KAT6B: variants seen among roughly 807,000 people sequenced by gnomAD.
The protein encoded by KAT6B is lysine acetyltransferase 6B.
KAT6B carries 10 observed loss-of-function variants against 187.5 expected under a neutral mutation model. The observed-to-expected ratio is 0.05, with a 90% confidence interval of 0.03 to 0.09. The LOEUF (loss-of-function observed/expected upper bound fraction) is 0.09, where lower values mean the gene tolerates loss of function less well. KAT6B is among the 10% of genes least tolerant of loss of function. The pLI, the probability that KAT6B is intolerant of heterozygous loss-of-function variation, is 1.00. For missense variants in KAT6B, 1,952 were observed against 2,558.9 expected (o/e 0.76, Z 5.12); for synonymous variants, 861 against 926.8 (o/e 0.93, Z 1.29).
intron 3 of KAT6B, among the ~76,000 whole-genome samples, chr10:74,867,808 C>T (rs1843661075): frequency 6.6e-6 from 1 of 152,162 alleles, no homozygotes; most frequent in South Asian, 2.1e-4. Flanking sequence ...TTGAAGTACA[C>T]AAAAACTATC....
intron 12 of KAT6B, among the ~76,000 whole-genome samples, chr10:74,987,303 G>A (rs1455204791): frequency 6.6e-6 from 1 of 151,940 alleles, no homozygotes; most frequent in Non-Finnish European, 1.5e-5. Context: ...GGGCATTGTG[G>A]CACCCTGTAA....
chr10:74,993,261 A>G (rs753696933), intron 13 of KAT6B, among the ~76,000 whole-genome samples: 2 of 151,994 alleles, frequency 1.3e-5, no homozygotes, highest in South Asian at 2.1e-4. Flanking sequence ...CCATCTCACT[A>G]TTTTTTTCTT....
intron 7 of KAT6B, among the ~76,000 whole-genome samples, chr10:74,974,693 C>T (rs1842047160): frequency 6.6e-6 from 1 of 152,198 alleles, no homozygotes; most frequent in Admixed American, 6.5e-5. Context: ...CTTCACCAGA[C>T]TCTCCATGTC....
At chr10:74,891,604 T>A (rs1845649343) in intron 3 of KAT6B, among the ~76,000 whole-genome samples, 1 of 152,250 alleles carries the variant, frequency 6.6e-6, no homozygotes, top group East Asian at 1.9e-4. Flanking sequence ...GTTAACATGA[T>A]CTGACATTAA....
intron 3 of KAT6B, among the ~76,000 whole-genome samples, chr10:74,916,485 G>T (rs1847688709): frequency 6.6e-6 from 1 of 152,112 alleles, no homozygotes; most frequent in Non-Finnish European, 1.5e-5. Flanking sequence ...TCTGCCCAGT[G>T]GTATTGAATT....
chr10:74,881,847 G>A (rs558466349), intron 3 of KAT6B, among the ~76,000 whole-genome samples: 1 of 152,052 alleles, frequency 6.6e-6, no homozygotes, highest in East Asian at 1.9e-4. Context: ...ATAGAGCTGG[G>A]GTCTCGCTAT....
chr10:74,886,882 T>G (rs1845318490), intron 3 of KAT6B, among the ~76,000 whole-genome samples: 1 of 152,144 alleles, frequency 6.6e-6, no homozygotes, highest in Non-Finnish European at 1.5e-5. Flanking sequence ...GCCCTCTTTC[T>G]GGTAGTTGGG....
chr10:74,914,179 C>G (rs1005084225), intron 3 of KAT6B, among the ~76,000 whole-genome samples: 5 of 150,496 alleles, frequency 3.3e-5, no homozygotes, highest in African/African-American at 1.2e-4. Context: ...GAGCGAGACT[C>G]TGTCTCCCAC....
intron 8 of KAT6B, chr10:74,976,740 TC>T: frequency 3.2e-6 from 1 of 309,084 alleles, no homozygotes; most frequent in African/African-American, 2.2e-5. Context: ...TTTCAGCTCT[TC>T]CCTCTGCTCC....
intron 10 of KAT6B, 146 bp downstream of exon 10, chr10:74,979,485 T>C: frequency 1.4e-6 from 1 of 696,438 alleles, no homozygotes; most frequent in East Asian, 2.7e-5. Flanking sequence ...CTATTGCTTT[T>C]GCCAGCACCT....
Position 75,022,096 on chromosome 10 carries a change from GGAGGAAGAAGAGGAGGAA to G in KAT6B, c.3240_3257del (p.Glu1084_Glu1089del), listed in dbSNP as rs750491341. 2 of 1,583,510 alleles carry G rather than the reference GGAGGAAGAAGAGGAGGAA, an allele frequency of 1.3e-6. No homozygotes were observed. The highest frequency in any genetic ancestry group is 2.7e-5 in the African/African-American group (2 of 74,462). On this transcript the variant is annotated inframe_deletion, in exon 16 of 18. Transcript: ENST00000287239. ...AAGAAGAGGAGGAGGAGGACGAGGAGGAGGAAGAAGAGGAGGAAGAAGAGGAAGAGGATGAAGAGGAGG... is the reference window on the plus strand; with the variant it reads ...AAGAAGAGGAGGAGGAGGACGAGGAGGAAGAGGAAGAGGATGAAGAGGAGG...
chr10:74,861,227 C>T (rs72803416), intron 3 of KAT6B, among the ~76,000 whole-genome samples: 16,788 of 151,994 alleles, frequency 0.11, 2,151 homozygotes, highest in African/African-American at 0.31. Flanking sequence ...ACTTGAATGC[C>T]GGAGGCCGAA....
chr10:74,994,530 C>T (rs1843299521), intron 13 of KAT6B, among the ~76,000 whole-genome samples: 1 of 152,068 alleles, frequency 6.6e-6, no homozygotes, highest in Non-Finnish European at 1.5e-5. Flanking sequence ...TGCCTGTAAT[C>T]CCAGCACTTT....
At chr10:74,910,322 C>A (rs762753182) in intron 3 of KAT6B, among the ~76,000 whole-genome samples, 1 of 152,058 alleles carries the variant, frequency 6.6e-6, no homozygotes, top group Admixed American at 6.6e-5. Flanking sequence ...ACTAATATTT[C>A]TCTTTTCTCA....
chr10:74,962,828 TTTTC>T (rs1437375513), intron 4 of KAT6B, among the ~76,000 whole-genome samples: 1 of 152,100 alleles, frequency 6.6e-6, no homozygotes, highest in Non-Finnish European at 1.5e-5. Context: ...ATGGGCAGTA[TTTTC>T]TTTAACAGTT....
At chr10:74,909,532 T>C (rs1311310410) in intron 3 of KAT6B, among the ~76,000 whole-genome samples, 1 of 152,230 alleles carries the variant, frequency 6.6e-6, no homozygotes, top group African/African-American at 2.4e-5. Context: ...TTAACAGAAC[T>C]GCCACATCTT....
At chr10:74,871,185 CTTTTTTTTTT>C (rs746074814) in intron 3 of KAT6B, among the ~76,000 whole-genome samples, 6 of 76,744 alleles carry the variant, frequency 7.8e-5, no homozygotes, top group East Asian at 4.2e-4. Flanking sequence ...CAAGCCTGGC[CTTTTTTTTTT>C]TTTTTTTTTT....
rs1164835710 is a variant in KAT6B at position 75,020,716 on chromosome 10, A to G, written c.2764A>G (p.Ile922Val). ...TCTCTACCACCACCATGAGAGGCAC[A>G]TCAGCATCAAGGCAATTAGCAGAGC... ...EYLYHHHERHISIKAISRATG... is the reference protein window; with the variant it reads ...EYLYHHHERHVSIKAISRATG... The change falls in exon 14 of 18, where the codon ATC (isoleucine) becomes GTC (valine). Residue 922 changes from isoleucine (I) to valine (V), a missense_variant. Physicochemically the swap from Ile to Val is conservative, Grantham distance 29. This residue lies in a region of KAT6B where 758 missense variants were observed against 891.4 expected (regional missense o/e 0.85). Coordinates refer to ENST00000287239, the MANE Select transcript of KAT6B (RefSeq NM_012330.4). 1 of 1,613,922 alleles carries G rather than the reference A, an allele frequency of 6.2e-7. No homozygotes were observed. Among genetic ancestry groups the G allele is most frequent in the Non-Finnish European group, 8.5e-7 (1 of 1,179,940 alleles).
At chr10:74,839,886 A>G (rs1293702430) in intron 2 of KAT6B, among the ~76,000 whole-genome samples, 1 of 152,188 alleles carries the variant, frequency 6.6e-6, no homozygotes, top group Non-Finnish European at 1.5e-5. Context: ...CAAGTCTAAC[A>G]TTTTTGTCAA....
Sources: gnomAD v4.1 joint callset for allele counts (sites outside exome capture counted in the v4.1 genomes callset) on GRCh38, gnomAD v4.1.1 for gene constraint, gnomAD v4.1.1 regional missense constraint, MANE v1.5 for transcripts, NCBI Gene and HGNC (gene_info 2026-07-23, HGNC 2026-07-21) for gene names.